SCN1B: variants seen among roughly 807,000 people sequenced by gnomAD.
SCN1B encodes the protein sodium channel regulatory subunit beta-1.
In SCN1B, 11 loss-of-function variants were observed where a neutral mutation model predicts 25.7. The observed-to-expected ratio is 0.43, with a 90% CI of 0.27 to 0.71. The LOEUF is 0.71. Among genes scored for constraint, SCN1B ranks in the 30% least tolerant of loss-of-function variants. The pLI, the probability that SCN1B is intolerant of heterozygous loss-of-function variation, is 0.21. For synonymous variants in SCN1B, 119 were observed against 117.5 expected (o/e 1.01, Z -0.08); for missense variants, 224 against 291.5 (o/e 0.77, Z 1.69).
intron 3 of SCN1B, chr19:35,037,836 G>A (rs2151748201): frequency 6.6e-6 from 1 of 151,462 alleles, no homozygotes; most frequent in South Asian, 2.1e-4. Context: ...GTGCACACTT[G>A]TAGTCTCCGC....
intron 4 of SCN1B, 27 bp downstream of exon 4, chr19:35,039,285 G>A: frequency 1.2e-6 from 2 of 1,608,002 alleles, no homozygotes; most frequent in Non-Finnish European, 1.7e-6. Context: ...GGAGGTGGGA[G>A]GGCACCCAGG....
Position 35,033,648 on chromosome 19 carries a change from C to T in SCN1B, c.357C>T (p.Tyr119=), listed in dbSNP as rs1266621411. ...TNVTYNHSGD[Y]ECHVYRLLFF... is the part of the protein sequence containing the mutation. ...TCACCTACAACCACTCGGGCGACTA[C>T]GAGTGCCACGTCTACCGCCTGCTCT... is the stretch of plus-strand genomic sequence containing the variant. The change falls in exon 3 of 6, where the codon TAC becomes TAT. Residue 119 remains tyrosine, a synonymous_variant. Transcript: ENST00000262631. The T allele has an allele frequency of 6.8e-6, 11 of 1,614,050 alleles. No individual in the cohort carries two copies. The highest frequency in any genetic ancestry group is 2.7e-5 in the African/African-American group (2 of 74,910).
chr19:35,039,369 A>G, intron 4 of SCN1B, 111 bp downstream of exon 4: 1 of 1,458,578 alleles, frequency 6.9e-7, no homozygotes, highest in South Asian at 1.1e-5. Flanking sequence ...CCAGGGCGCC[A>G]TCTCTCAGTA....
At chr19:35,038,862 G>T in intron 3 of SCN1B, 2 of 521,704 alleles carry the variant, frequency 3.8e-6, no homozygotes, top group Middle Eastern at 5.4e-4. Flanking sequence ...GAGCCTTCTG[G>T]TTGCAGAGCT....
chr19:35,033,796 G>T, intron 3 of SCN1B, 57 bp downstream of exon 3: 1 of 1,613,570 alleles, frequency 6.2e-7, no homozygotes, highest in Non-Finnish European at 8.5e-7. Flanking sequence ...CAGATGGAGG[G>T]ACAGATGGCA....
chr19:35,037,159 A>G (rs1291960374), intron 3 of SCN1B: 1 of 152,090 alleles, frequency 6.6e-6, no homozygotes, highest in Non-Finnish European at 1.5e-5. Context: ...TGCCATTTCC[A>G]TAGGTGGAGG....
At position 35,032,498 on chromosome 19, in the gene SCN1B, C is replaced by T. The variant is rs754980960; in HGVS notation, c.41-30C>T. ...GCATTGCTTAGGGCAATGGGTGCCT[C>T]TGCCTGACCTGAGCCTGCTGTCCCC... On this transcript the variant is annotated intron_variant, in intron 1 of 5. Coordinates refer to ENST00000262631, the MANE Select transcript of SCN1B (RefSeq NM_001037.5). The surrounding 1 kb of genome is among the most constrained non-coding windows in gnomAD (Gnocchi z 4.3). 7 of 1,612,152 alleles carry T rather than the reference C, an allele frequency of 4.3e-6. No individual in the cohort carries two copies. The South Asian group carries it at 7.7e-5, about 18-fold the overall frequency.
intron 1 of SCN1B, among the ~76,000 whole-genome samples, 161 bp downstream of exon 1, chr19:35,031,021 G>C (rs2064210122): frequency 6.6e-6 from 1 of 151,984 alleles, no homozygotes; most frequent in South Asian, 2.1e-4. Context: ...GCGGGAGCCG[G>C]GCTTGGGGAG....
intron 3 of SCN1B, 191 bp from the exon 4 acceptor site, chr19:35,038,926 G>A (rs562105667): frequency 1.8e-5 from 12 of 664,940 alleles, no homozygotes; most frequent in South Asian, 8.0e-5. Context: ...ATGTGGCCTC[G>A]AGTTACACAG....
Position 35,031,621 on chromosome 19 carries a change from A to T in SCN1B, c.40+761A>T, listed in dbSNP as rs569346318. The T allele has an allele frequency of 3.9e-5, 6 of 152,434 alleles. No homozygotes were observed. In the South Asian group the frequency reaches 6.2e-4, roughly 16 times the overall value. 9.4% of individuals were successfully genotyped at this position (152,434 alleles called of 1,614,324 possible). A position where few individuals can be genotyped will look rare whatever the true frequency, so the allele number is the denominator to read the frequency against. ...GACCCCTGAGAGGGACAAAGATAGG[A>T]GGGACTGAGACAGAGGCCCTCAGGG... On this transcript the variant is annotated intron_variant, in intron 1 of 5. Coordinates refer to ENST00000262631, the MANE Select transcript of SCN1B (RefSeq NM_001037.5).
rs1555720728 is a variant in SCN1B at position 35,033,586 on chromosome 19, A to G, written c.295A>G (p.Lys99Glu). The change falls in exon 3 of 6, where the codon AAA becomes GAA. Residue 99 changes from lysine (K) to glutamate (E), a missense_variant. Around this residue, in one of 3 missense-constraint regions of SCN1B, gnomAD observed 126 missense variants for 204.9 expected, o/e 0.61. Transcript: ENST00000262631. ...RVVWNGSRGT[K>E]DLQDLSIFIT... ...GGTGTGGAATGGCAGCCGGGGCACC[A>G]AAGACCTGCAGGATCTGTCTATCTT... is the stretch of plus-strand genomic sequence containing the variant. 1.2e-6 allele frequency: 2 copies of G among 1,613,986 alleles called. No homozygotes were observed. The highest frequency in any genetic ancestry group is 2.2e-5 in the East Asian group (1 of 44,892).
rs745578106 is a variant in SCN1B at position 35,032,551 on chromosome 19, G to T, written c.64G>T (p.Val22Leu). ...ALVSSACGGC[V>L]EVDSETEAVY... ...AGTGTCCTCAGCCTGCGGGGGCTGC[G>T]TGGAGGTGGACTCGGAGACCGAGGC... Residue 22 changes from valine to leucine, a missense_variant, in exon 2 of 6, where the codon GTG (valine) becomes TTG (leucine). By Grantham distance (32) the Val-to-Leu change is conservative. Coordinates refer to ENST00000262631, the MANE Select transcript of SCN1B (RefSeq NM_001037.5). The surrounding 1 kb of genome is among the most constrained non-coding windows in gnomAD (Gnocchi z 4.3). The T allele has an allele frequency of 6.2e-7, 1 of 1,614,006 alleles. No individual in the cohort carries two copies. Among genetic ancestry groups the T allele is most frequent in the South Asian group, 1.1e-5 (1 of 91,088 alleles).
At chr19:35,034,281 C>A in intron 3 of SCN1B, 3 of 1,052,690 alleles carry the variant, frequency 2.8e-6, no homozygotes, top group South Asian at 1.6e-5. Flanking sequence ...TCCGCACACC[C>A]CTCTGCACTC....
At position 35,039,650 on chromosome 19, in the gene SCN1B, C is replaced by T. The variant is rs2064272787; in HGVS notation, c.606C>T (p.Ala202=). The change falls in exon 5 of 6, where the codon GCC becomes GCT. Residue 202 remains alanine (A), a synonymous_variant. Transcript: ENST00000262631. ...AAQENASEYL[A]ITSESKENCT... ...TCCCCCACAGCTCGGAATACCTGGC[C>T]ATCACCTCTGAAAGCAAAGAGAACT... 1 of 1,614,092 alleles carries T rather than the reference C, an allele frequency of 6.2e-7. No individual in the cohort carries two copies. Among genetic ancestry groups the T allele is most frequent in the Non-Finnish European group, 8.5e-7 (1 of 1,180,034 alleles).
At chr19:35,037,472 C>T (rs2064255582) in intron 3 of SCN1B, 1 of 152,144 alleles carries the variant, frequency 6.6e-6, no homozygotes, top group Non-Finnish European at 1.5e-5. Context: ...GCAAGAATTC[C>T]GATGACGGGG....
In SCN1B at chr19:35,034,049, T is replaced by C. The variant is rs1230072181; in HGVS notation, c.448+310T>C. The C allele has an allele frequency of 1.3e-6, 2 of 1,549,142 alleles. No individual in the cohort carries two copies. The highest frequency in any genetic ancestry group is 3.9e-5 in the Admixed American group (2 of 50,990). On this transcript the variant is annotated intron_variant, in intron 3 of 5. Transcript: ENST00000262631. Reference sequence around the variant, plus strand: ...CTGTCTCTGAGCCAAAGGGTTGTCCTGGGCTTGCCCGGGATAATAATCCGA... The same window carrying C: ...CTGTCTCTGAGCCAAAGGGTTGTCCCGGGCTTGCCCGGGATAATAATCCGA...
At chr19:35,039,284 A>G in intron 4 of SCN1B, 26 bp downstream of exon 4, 3 of 1,607,954 alleles carry the variant, frequency 1.9e-6, no homozygotes, top group Non-Finnish European at 2.5e-6. Context: ...GGGAGGTGGG[A>G]GGGCACCCAG....
At position 35,032,708 on chromosome 19, in the gene SCN1B, G is replaced by C. The variant is rs16969924; in HGVS notation, c.207+14G>C. The C allele has an allele frequency of 1.9e-6, 3 of 1,612,966 alleles. No individual in the cohort carries two copies. In the African/African-American group the frequency reaches 4.0e-5, roughly 22 times the overall value. ...GAGTTTGTCAAGGTGTGCGGGTGCC[G>C]GGAACGGGCATGGGAGGGCAGGGGT... On this transcript the variant is annotated intron_variant, in intron 2 of 5. Coordinates refer to ENST00000262631, the MANE Select transcript of SCN1B (RefSeq NM_001037.5). This position sits in a 1 kb window ranked among gnomAD's most constrained non-coding sequence, Gnocchi z 4.3.
In SCN1B at chr19:35,032,683, G is replaced by T. The variant is rs1193962006; in HGVS notation, c.196G>T (p.Glu66Ter). The T allele has an allele frequency of 6.2e-7, 1 of 1,613,822 alleles. No individual in the cohort carries two copies. The highest frequency in any genetic ancestry group is 1.3e-5 in the African/African-American group (1 of 74,952). Residue 66 changes from glutamate to a stop codon, truncating the protein, a stop_gained, in exon 2 of 6, where the codon GAG becomes TAG. Transcript: ENST00000262631. LOFTEE classifies it high-confidence loss of function. This position sits in a 1 kb window ranked among gnomAD's most constrained non-coding sequence, Gnocchi z 4.3. ...EWTFRQKGTE[E>*]FVKILRYENE... ...GACCTTCCGCCAGAAGGGCACTGAG[G>T]AGTTTGTCAAGGTGTGCGGGTGCCG...
Sources: allele counts gnomAD v4.1 joint callset (sites outside exome capture counted in the v4.1 genomes callset), GRCh38; gene constraint gnomAD v4.1.1; regional missense constraint gnomAD v4.1.1; non-coding constraint Gnocchi (gnomAD v3.1); transcripts MANE v1.5; gene names NCBI Gene and HGNC (gene_info 2026-07-23, HGNC 2026-07-21).